Variants in SCAF11 observed in about 807,000 individuals in gnomAD.
SCAF11 encodes the protein protein SCAF11.
In SCAF11, 47 loss-of-function variants were observed where a neutral mutation model predicts 140.5. The observed-to-expected ratio is 0.33, with a 90% CI of 0.26 to 0.43. The LOEUF (loss-of-function observed/expected upper bound fraction) is 0.43, where lower values mean the gene tolerates loss of function less well. Ranked by LOEUF, SCAF11 falls within the 20% of genes least tolerant of loss-of-function variation. The probability of loss-of-function intolerance (pLI) is 1.00; values close to 1 mark genes in which losing one functional copy is unlikely to be tolerated. For synonymous variants in SCAF11, 557 were observed against 579.4 expected (o/e 0.96, Z 0.55); for missense variants, 1,645 against 1,705.1 (o/e 0.96, Z 0.62).
chr12:45,972,987 G>GAT (rs1183684875), intron 1 of SCAF11, among the ~76,000 whole-genome samples: 14 of 132,794 alleles, frequency 1.1e-4, no homozygotes, highest in Admixed American at 3.0e-4. Context: ...TAGATATATA[G>GAT]ATATAGATAT....
intron 13 of SCAF11, 116 bp downstream of exon 13, chr12:45,922,820 T>G (rs1592160237): frequency 1.0e-6 from 1 of 956,694 alleles, no homozygotes; most frequent in African/African-American, 1.6e-5. Flanking sequence ...CAAATAATAA[T>G]GGCATTTAGA....
At position 45,930,191 on chromosome 12, in the gene SCAF11, A is replaced by G. The variant is rs148636827; in HGVS notation, c.841+1315T>C. 7.2e-4 allele frequency among the ~76,000 whole-genome samples: 109 copies of G among 152,294 alleles called. No individual in the cohort carries two copies. The East Asian group carries it at 9.4e-3, about 13-fold the overall frequency. On this transcript the variant is annotated intron_variant, in intron 10 of 14. Transcript: ENST00000369367. Reference sequence around the variant, plus strand: ...CAGGCAACTGCAGCTATAGATCTCAATCTGTTCCTATCAAGGAATTAAACT... The same window carrying G: ...CAGGCAACTGCAGCTATAGATCTCAGTCTGTTCCTATCAAGGAATTAAACT...
chr12:45,930,405 T>C (rs1945011622), intron 10 of SCAF11, among the ~76,000 whole-genome samples: 1 of 151,974 alleles, frequency 6.6e-6, no homozygotes, highest in South Asian at 2.1e-4. Context: ...AATGCTCACA[T>C]GGAGATGATT....
intron 1 of SCAF11, among the ~76,000 whole-genome samples, chr12:45,967,980 T>A (rs1439007107): frequency 6.6e-6 from 1 of 152,112 alleles, no homozygotes; most frequent in Non-Finnish European, 1.5e-5. Flanking sequence ...CCACACAGAG[T>A]CATAGTCCTA....
chr12:45,970,624 T>C (rs1167538563), intron 1 of SCAF11, among the ~76,000 whole-genome samples: 1 of 152,254 alleles, frequency 6.6e-6, no homozygotes, highest in Non-Finnish European at 1.5e-5. Flanking sequence ...AGTGACCTGA[T>C]TGCTTGTTAG....
At chr12:45,983,742 AACACACACACACACACACAC>A (rs55655357) in intron 1 of SCAF11, among the ~76,000 whole-genome samples, 110 of 133,992 alleles carry the variant, frequency 8.2e-4, no homozygotes, top group African/African-American at 2.8e-3. Flanking sequence ...CTAAACCTAA[AACACACACACACACACACAC>A]ACACACACAC....
intron 1 of SCAF11, among the ~76,000 whole-genome samples, chr12:45,977,099 T>A (rs1284897930): frequency 6.6e-6 from 1 of 151,836 alleles, no homozygotes; most frequent in African/African-American, 2.4e-5. Context: ...ATCAACACAA[T>A]CTCTTCCAGA....
intron 4 of SCAF11, among the ~76,000 whole-genome samples, chr12:45,949,165 C>G (rs1291183113): frequency 6.6e-6 from 1 of 152,034 alleles, no homozygotes; most frequent in Non-Finnish European, 1.5e-5. Context: ...CTATAAAAAC[C>G]AGGCTCTTAT....
intron 11 of SCAF11, 79 bp from the exon 12 acceptor site, chr12:45,925,153 C>G: frequency 2.6e-6 from 3 of 1,134,092 alleles, no homozygotes; most frequent in Non-Finnish European, 3.7e-6. Context: ...CCACTGGTTA[C>G]AGTAAAATTA....
At chr12:45,946,804 A>G (rs544270633) in intron 5 of SCAF11, among the ~76,000 whole-genome samples, 1 of 152,308 alleles carries the variant, frequency 6.6e-6, no homozygotes, top group African/African-American at 2.4e-5. Flanking sequence ...GCTGATAAGT[A>G]TTTTTCAGAA....
chr12:45,991,261 A>C (rs1946604134), upstream of SCAF11, among the ~76,000 whole-genome samples: 1 of 152,108 alleles, frequency 6.6e-6, no homozygotes, highest in East Asian at 1.9e-4. Context: ...TCTTAACCCC[A>C]CATCACAAAA....
At chr12:45,950,537 T>C (rs923075165) in intron 4 of SCAF11, among the ~76,000 whole-genome samples, 1 of 152,216 alleles carries the variant, frequency 6.6e-6, no homozygotes, top group Non-Finnish European at 1.5e-5. Context: ...AATGTAATTA[T>C]ACATACAAAC....
At chr12:45,979,226 T>G (rs944525399) in intron 1 of SCAF11, among the ~76,000 whole-genome samples, 8 of 143,644 alleles carry the variant, frequency 5.6e-5, no homozygotes, top group Non-Finnish European at 9.2e-5. Flanking sequence ...CCTAATCACC[T>G]CCTAAAAGCC....
chr12:45,949,086 C>T (rs547452110), intron 4 of SCAF11, among the ~76,000 whole-genome samples: 57 of 152,188 alleles, frequency 3.7e-4, no homozygotes, highest in Non-Finnish European at 6.9e-4. Context: ...CAAGTGAATG[C>T]GATGATCAAA....
At chr12:45,951,601 G>T in intron 4 of SCAF11, 49 bp downstream of exon 4, 2 of 1,232,054 alleles carry the variant, frequency 1.6e-6, no homozygotes, top group Non-Finnish European at 2.3e-6. Context: ...AAGTCAAACA[G>T]CTTCAATTAA....
chr12:45,973,041 T>A (rs947482268), intron 1 of SCAF11, among the ~76,000 whole-genome samples: 1 of 147,294 alleles, frequency 6.8e-6, no homozygotes, highest in Non-Finnish European at 1.5e-5. Flanking sequence ...TATAGATATA[T>A]AGATATATCC....
At position 45,921,040 on chromosome 12, in the gene SCAF11, T is replaced by C. The variant is rs947680244; in HGVS notation, c.*1008A>G. On this transcript the variant is annotated 3_prime_UTR_variant, in exon 15 of 15. Coordinates refer to ENST00000369367, the MANE Select transcript of SCAF11 (RefSeq NM_004719.3). ...TCCTGTTGCCCAGGCTGGAGTGCAATGGCATGGTCTCGGCTCACTGCAATC... is the reference window on the plus strand; with the variant it reads ...TCCTGTTGCCCAGGCTGGAGTGCAACGGCATGGTCTCGGCTCACTGCAATC... The C allele has an allele frequency of 6.6e-6, 1 of 152,092 alleles. No individual in the cohort carries two copies. The highest frequency in any genetic ancestry group is 2.4e-5 in the African/African-American group (1 of 41,410). 9.4% of individuals were successfully genotyped at this position (152,092 alleles called of 1,614,324 possible). A position where few individuals can be genotyped will look rare whatever the true frequency, so the allele number is the denominator to read the frequency against.
chr12:45,927,626 G>A lies in SCAF11; in HGVS notation c.2075C>T (p.Pro692Leu), dbSNP rs1944917337. ...TGTTTTAGGCAACTCTGTAGATCTA[G>A]GATGTTCGGTCAGCGATTCATTCTT... is the stretch of plus-strand genomic sequence containing the variant. ...EEKNESLTEH[P>L]RSTELPKTHI... The change falls in exon 11 of 15, where the codon CCT becomes CTT. Residue 692 changes from proline (P) to leucine (L), a missense_variant. Coordinates refer to ENST00000369367, the MANE Select transcript of SCAF11 (RefSeq NM_004719.3). The A allele has an allele frequency of 3.1e-6, 5 of 1,612,496 alleles. No individual in the cohort carries two copies. The South Asian group carries it at 4.4e-5, about 14-fold the overall frequency.
At chr12:45,932,738 A>G (rs567034906) in intron 9 of SCAF11, among the ~76,000 whole-genome samples, 25 of 152,176 alleles carry the variant, frequency 1.6e-4, no homozygotes, top group Non-Finnish European at 2.2e-4. Context: ...TTGATCAAAT[A>G]GTTATTTAGA....
Sources: allele counts gnomAD v4.1 joint callset (sites outside exome capture counted in the v4.1 genomes callset), GRCh38; gene constraint gnomAD v4.1.1; transcripts MANE v1.5; gene names NCBI Gene and HGNC (gene_info 2026-07-23, HGNC 2026-07-21).